GALNT17: variants seen among roughly 807,000 people sequenced by gnomAD.
GALNT17 encodes the protein polypeptide N-acetylgalactosaminyltransferase 17.
Under a neutral mutation model 63.7 loss-of-function variants are expected in GALNT17, and 29 were observed. The observed-to-expected ratio is 0.46, with a 90% CI of 0.34 to 0.62. GALNT17 has a LOEUF of 0.62. Ranked by LOEUF, GALNT17 falls within the 20% of genes least tolerant of loss-of-function variation. The pLI, the probability that GALNT17 is intolerant of heterozygous loss-of-function variation, is 0.01. For synonymous variants in GALNT17, 305 were observed against 318.3 expected, an observed-to-expected ratio of 0.96 and a Z score of 0.45; for missense variants, 603 against 799.6, an observed-to-expected ratio of 0.75 and a Z score of 2.97.
chr7:71,701,494 A>G (rs545190045), intron 9 of GALNT17, among the ~76,000 whole-genome samples: 1 of 148,828 alleles, frequency 6.7e-6, no homozygotes, highest in African/African-American at 2.5e-5. Context: ...CTCAAAAAAG[A>G]AAAAAAAAAG....
chr7:71,369,155 C>T (rs1043450039), intron 2 of GALNT17, among the ~76,000 whole-genome samples: 4 of 152,202 alleles, frequency 2.6e-5, no homozygotes, highest in Admixed American at 2.0e-4. Context: ...ACTCTTAGTA[C>T]ACATGACCAG....
intron 9 of GALNT17, among the ~76,000 whole-genome samples, chr7:71,707,517 C>T (rs1791738101): frequency 6.6e-6 from 1 of 152,164 alleles, no homozygotes; most frequent in Non-Finnish European, 1.5e-5. Context: ...ATAACAACTA[C>T]CCCAAAACGT....
chr7:71,144,930 A>G (rs113210373), intron 1 of GALNT17, among the ~76,000 whole-genome samples: 7,918 of 152,182 alleles, frequency 0.052, 598 homozygotes, highest in African/African-American at 0.17. Context: ...GGGTTTCACC[A>G]TGTTAGCCAG....
At chr7:71,392,080 T>C (rs569970573) in intron 3 of GALNT17, among the ~76,000 whole-genome samples, 53 of 152,234 alleles carry the variant, frequency 3.5e-4, no homozygotes, top group African/African-American at 1.2e-3. Context: ...ACCTCCAACA[T>C]TGGGGGTCAC....
chr7:71,199,412 T>C (rs1789119805), intron 1 of GALNT17, among the ~76,000 whole-genome samples: 2 of 152,140 alleles, frequency 1.3e-5, no homozygotes, highest in South Asian at 2.1e-4. Context: ...CCATCATCTG[T>C]CTGTCCACTG....
chr7:71,397,363 A>G lies in GALNT17; in HGVS notation c.589+8962A>G, dbSNP rs538809746. ...GAATGCAATGGGCTTCTCTGTATTT[A>G]CTGCTTCTGATCTTATCAAGACCTA... On this transcript the variant is annotated intron_variant, in intron 3 of 10. Coordinates refer to ENST00000333538, the MANE Select transcript of GALNT17 (RefSeq NM_022479.3). 2.6e-5 allele frequency among the ~76,000 whole-genome samples: 4 copies of G among 152,208 alleles called. No homozygotes were observed. The East Asian group carries it at 7.7e-4, about 29-fold the overall frequency.
chr7:71,403,226 C>T (rs1244730960), intron 3 of GALNT17, among the ~76,000 whole-genome samples: 2 of 152,292 alleles, frequency 1.3e-5, no homozygotes, highest in Admixed American at 6.5e-5. Flanking sequence ...ATTATAGGTT[C>T]ACAGAAAGTT....
At chr7:71,365,762 T>C (rs1792492946) in intron 2 of GALNT17, among the ~76,000 whole-genome samples, 1 of 152,162 alleles carries the variant, frequency 6.6e-6, no homozygotes, top group Non-Finnish European at 1.5e-5. Context: ...GCCTTTTTGG[T>C]ACCAGGGACT....
At chr7:71,400,838 G>A (rs973510711) in intron 3 of GALNT17, among the ~76,000 whole-genome samples, 7 of 152,190 alleles carry the variant, frequency 4.6e-5, no homozygotes, top group African/African-American at 1.7e-4. Context: ...GACCCCCAGG[G>A]TCCCTGCTCA....
At chr7:71,654,941 G>A (rs1321737656) in intron 6 of GALNT17, among the ~76,000 whole-genome samples, 2 of 151,874 alleles carry the variant, frequency 1.3e-5, no homozygotes, top group Non-Finnish European at 1.5e-5. Flanking sequence ...GGCACCTGCC[G>A]CCACGCCCAG....
intron 5 of GALNT17, among the ~76,000 whole-genome samples, chr7:71,442,246 G>A (rs561710482): frequency 9.9e-5 from 15 of 152,126 alleles, no homozygotes; most frequent in African/African-American, 3.6e-4. Context: ...ACCCAGGCTG[G>A]AGTGCAATGG....
intron 6 of GALNT17, among the ~76,000 whole-genome samples, chr7:71,589,644 C>T (rs886780203): frequency 7.3e-5 from 11 of 151,656 alleles, no homozygotes; most frequent in South Asian, 2.1e-4. Context: ...CTGTAGTAAA[C>T]GCTTTATAAA....
At chr7:71,367,465 G>A (rs2116257818) in intron 2 of GALNT17, among the ~76,000 whole-genome samples, 2 of 152,304 alleles carry the variant, frequency 1.3e-5, no homozygotes, top group South Asian at 4.1e-4. Flanking sequence ...GAACCTATTT[G>A]GTATAGACCG....
intron 5 of GALNT17, among the ~76,000 whole-genome samples, chr7:71,504,687 C>T (rs141506597): frequency 5.3e-5 from 8 of 152,224 alleles, no homozygotes; most frequent in African/African-American, 1.9e-4. Context: ...ACATATTTTA[C>T]TTATTTACAA....
intron 1 of GALNT17, among the ~76,000 whole-genome samples, chr7:71,242,851 G>A (rs57949358): frequency 0.016 from 2,410 of 152,282 alleles, 70 homozygotes; most frequent in African/African-American, 0.055. Context: ...CTCCCAGGGT[G>A]CCCATTACTG....
chr7:71,469,146 A>G (rs956278927), intron 5 of GALNT17, among the ~76,000 whole-genome samples: 5 of 152,184 alleles, frequency 3.3e-5, no homozygotes, highest in Non-Finnish European at 5.9e-5. Flanking sequence ...GCTTCAGGAA[A>G]GGGTGGGGTA....
At chr7:71,351,261 C>G (rs1026871869) in intron 2 of GALNT17, among the ~76,000 whole-genome samples, 1 of 152,028 alleles carries the variant, frequency 6.6e-6, no homozygotes, top group South Asian at 2.1e-4. Context: ...GATTTAGGAA[C>G]TGATAGCAGA....
At chr7:71,269,292 C>T (rs1790544203) in intron 1 of GALNT17, among the ~76,000 whole-genome samples, 1 of 152,126 alleles carries the variant, frequency 6.6e-6, no homozygotes, top group African/African-American at 2.4e-5. Flanking sequence ...TAGTGAGACC[C>T]TATCTCTACA....
chr7:71,378,641 A>G (rs1439307261), intron 2 of GALNT17, among the ~76,000 whole-genome samples: 1 of 152,142 alleles, frequency 6.6e-6, no homozygotes, highest in African/African-American at 2.4e-5. Flanking sequence ...TCATTTGTTC[A>G]TTCAGTAACC....
Sources: allele counts gnomAD v4.1 joint callset (sites outside exome capture counted in the v4.1 genomes callset), GRCh38; gene constraint gnomAD v4.1.1; transcripts MANE v1.5; gene names NCBI Gene and HGNC (gene_info 2026-07-23, HGNC 2026-07-21).